The following TMEM217 variants were observed in gnomAD, a reference collection of about 807,000 sequenced individuals.
TMEM217 encodes the protein chromosome 6 open reading frame 128.
For synonymous variants in TMEM217, 76 were observed against 88.3 expected (o/e 0.86, Z 0.78); for missense variants, 204 against 248.8 (o/e 0.82, Z 1.21).
chr6:37,253,412 C>T (rs879435915), intron 1 of TMEM217, among the ~76,000 whole-genome samples: 1 of 152,206 alleles, frequency 6.6e-6, no homozygotes, highest in Non-Finnish European at 1.5e-5. Flanking sequence ...CCTTCACCCC[C>T]CAAATTCTAA....
chr6:37,246,888 G>C (rs1765114118), intron 1 of TMEM217, among the ~76,000 whole-genome samples: 1 of 133,386 alleles, frequency 7.5e-6, no homozygotes, highest in African/African-American at 2.8e-5. Context: ...GGGCAACAGA[G>C]CAAGACTCTG....
At chr6:37,256,806 C>T (rs1039216466) in intron 1 of TMEM217, among the ~76,000 whole-genome samples, 7 of 152,178 alleles carry the variant, frequency 4.6e-5, no homozygotes, top group Non-Finnish European at 1.0e-4. Flanking sequence ...ACAAAAACCA[C>T]TCTGGACTGG....
chr6:37,226,539 C>T (rs1479352266), intron 1 of TMEM217, among the ~76,000 whole-genome samples: 3 of 151,306 alleles, frequency 2.0e-5, no homozygotes, highest in Non-Finnish European at 4.4e-5. Context: ...CCTCGTGATC[C>T]GCCCGCCTCG....
At chr6:37,226,835 G>A (rs1363381638) in intron 1 of TMEM217, among the ~76,000 whole-genome samples, 2 of 152,016 alleles carry the variant, frequency 1.3e-5, no homozygotes, top group East Asian at 3.9e-4. Context: ...CAAAGTGCTG[G>A]GATTACAGGT....
downstream of TMEM217, among the ~76,000 whole-genome samples, chr6:37,213,981 C>T (rs1448979800): frequency 6.6e-6 from 1 of 152,220 alleles, no homozygotes; most frequent in Non-Finnish European, 1.5e-5. Context: ...TTGTTGGAAG[C>T]CTGACCTGGC....
intron 1 of TMEM217, among the ~76,000 whole-genome samples, chr6:37,230,330 A>G (rs2113854165): frequency 6.6e-6 from 1 of 152,270 alleles, no homozygotes; most frequent in East Asian, 1.9e-4. Context: ...TTGCGTACTC[A>G]CAGGTGTGAT....
At chr6:37,231,752 GTTA>G (rs1243503917) in intron 1 of TMEM217, among the ~76,000 whole-genome samples, 1 of 145,702 alleles carries the variant, frequency 6.9e-6, no homozygotes, top group Non-Finnish European at 1.5e-5. Flanking sequence ...TATATATTAT[GTTA>G]TTATATATAA....
chr6:37,236,176 A>G (rs773071173), intron 1 of TMEM217, among the ~76,000 whole-genome samples: 6 of 152,150 alleles, frequency 3.9e-5, no homozygotes, highest in Non-Finnish European at 7.4e-5. Context: ...AAACAGAGAC[A>G]TGGTCTCACT....
intron 1 of TMEM217, among the ~76,000 whole-genome samples, chr6:37,242,453 CA>C (rs965859025): frequency 1.3e-5 from 2 of 152,142 alleles, no homozygotes; most frequent in East Asian, 3.8e-4. Flanking sequence ...CTAGATTTTC[CA>C]AAACAAAAGT....
chr6:37,237,515 C>T (rs1296342852), intron 1 of TMEM217, among the ~76,000 whole-genome samples: 3 of 152,116 alleles, frequency 2.0e-5, no homozygotes, highest in Non-Finnish European at 4.4e-5. Flanking sequence ...TTCATGCAGA[C>T]ATTAAAAAGG....
exon 2 of TMEM217, chr6:37,218,026 G>A (rs1763310429): frequency 1.0e-6 from 1 of 993,714 alleles, no homozygotes; most frequent in Non-Finnish European, 1.2e-6. Flanking sequence ...AAGAGTGGCA[G>A]TAGGGTCTCT....
At chr6:37,230,701 CT>C (rs1764151415) in intron 1 of TMEM217, among the ~76,000 whole-genome samples, 1 of 152,122 alleles carries the variant, frequency 6.6e-6, no homozygotes, top group African/African-American at 2.4e-5. Context: ...AAATTAATTT[CT>C]GTTGTTTAAG....
downstream of TMEM217, chr6:37,213,099 T>C (rs1392493188): frequency 1.0e-5 from 8 of 798,784 alleles, no homozygotes; most frequent in Admixed American, 5.4e-5. Flanking sequence ...AGAGCAATGA[T>C]GGTGTGTGGA....
intron 1 of TMEM217, 82 bp from the exon 2 acceptor site, chr6:37,219,123 A>G (rs1045977164): frequency 4.0e-6 from 5 of 1,251,924 alleles, no homozygotes; most frequent in Non-Finnish European, 5.6e-6. Flanking sequence ...CCTTCCCCAA[A>G]TCTACTTTGG....
chr6:37,213,684 A>G (rs1763025677), downstream of TMEM217, among the ~76,000 whole-genome samples: 1 of 152,266 alleles, frequency 6.6e-6, no homozygotes, highest in South Asian at 2.1e-4. Flanking sequence ...AGGTCAACTC[A>G]TGGCAGGGAG....
chr6:37,239,309 C>CA (rs1300511446), intron 1 of TMEM217, among the ~76,000 whole-genome samples: 2 of 151,348 alleles, frequency 1.3e-5, no homozygotes, highest in African/African-American at 4.9e-5. Flanking sequence ...GGCAAGATGG[C>CA]AAAAACCCAT....
At chr6:37,230,718 C>T (rs1282834158) in intron 1 of TMEM217, among the ~76,000 whole-genome samples, 1 of 152,136 alleles carries the variant, frequency 6.6e-6, no homozygotes, top group Non-Finnish European at 1.5e-5. Flanking sequence ...TTAAGCCACT[C>T]TGTGATATGT....
exon 1 of TMEM217, chr6:37,257,769 C>A (rs1765846960): frequency 3.7e-6 from 3 of 811,506 alleles, no homozygotes; most frequent in Non-Finnish European, 5.9e-6. Flanking sequence ...TGGAGGGGTG[C>A]CCACATCCAA....
intron 1 of TMEM217, among the ~76,000 whole-genome samples, chr6:37,244,063 T>G (rs1192157649): frequency 6.6e-6 from 1 of 152,240 alleles, no homozygotes; most frequent in Non-Finnish European, 1.5e-5. Flanking sequence ...CAGTGGCTGG[T>G]TATCATTTAA....
Sources: allele counts gnomAD v4.1 joint callset (sites outside exome capture counted in the v4.1 genomes callset), GRCh38; gene constraint gnomAD v4.1.1; transcripts MANE v1.5; gene names NCBI Gene and HGNC (gene_info 2026-07-23, HGNC 2026-07-21).